Variants in STK38 observed in about 807,000 individuals in gnomAD.
The protein encoded by STK38 is serine/threonine kinase 38.
In STK38, 26 loss-of-function variants were observed where a neutral mutation model predicts 59.0. That is an observed-to-expected ratio of 0.44 (90% CI 0.32 to 0.61). The LOEUF is 0.61. Among genes scored for constraint, STK38 ranks in the 20% least tolerant of loss-of-function variants. The pLI is 0.04. For synonymous variants in STK38, 175 were observed against 176.6 expected, an observed-to-expected ratio of 0.99 and a Z score of 0.07; for missense variants, 433 against 566.0, an observed-to-expected ratio of 0.76 and a Z score of 2.38.
At chr6:36,496,463 T>C (rs974185641) in intron 13 of STK38, among the ~76,000 whole-genome samples, 1 of 152,190 alleles carries the variant, frequency 6.6e-6, no homozygotes, top group Non-Finnish European at 1.5e-5. Flanking sequence ...ACTTAGTAAA[T>C]AACAAAAGAA....
At chr6:36,508,620 T>C (rs1470946662) in intron 7 of STK38, among the ~76,000 whole-genome samples, 4 of 152,226 alleles carry the variant, frequency 2.6e-5, no homozygotes, top group Non-Finnish European at 5.9e-5. Flanking sequence ...CTGTGGTCAT[T>C]GATGCCTTTA....
Position 36,495,684 on chromosome 6 carries a change from G to T in STK38, c.*100C>A. Reference sequence around the variant, plus strand: ...GGAGACTTTACTATGACATATTGGTGGGTTCCATCAACTTCTTGGAAGCTC... The same window carrying T: ...GGAGACTTTACTATGACATATTGGTTGGTTCCATCAACTTCTTGGAAGCTC... On this transcript the variant is annotated 3_prime_UTR_variant, in exon 14 of 14. Transcript: ENST00000229812. 1 of 1,486,450 alleles carries T rather than the reference G, an allele frequency of 6.7e-7. No individual in the cohort carries two copies. Among genetic ancestry groups the T allele is most frequent in the Non-Finnish European group, 9.2e-7 (1 of 1,088,720 alleles). 92.1% of individuals were successfully genotyped at this position (1,486,450 alleles called of 1,614,324 possible). A position where few individuals can be genotyped will look rare whatever the true frequency, so the allele number is the denominator to read the frequency against.
At chr6:36,516,099 G>C (rs1432328130) in intron 6 of STK38, among the ~76,000 whole-genome samples, 2 of 152,226 alleles carry the variant, frequency 1.3e-5, no homozygotes, top group African/African-American at 4.8e-5. Flanking sequence ...CCTCCTGGAA[G>C]AGTACAATGA....
At chr6:36,497,427 A>G (rs970216722) in intron 12 of STK38, among the ~76,000 whole-genome samples, 6 of 152,000 alleles carry the variant, frequency 3.9e-5, no homozygotes, top group African/African-American at 1.5e-4. Context: ...TCCCTTCTCT[A>G]TGTTCCAGTG....
At chr6:36,513,912 T>C (rs1402593105) in intron 7 of STK38, among the ~76,000 whole-genome samples, 3 of 147,822 alleles carry the variant, frequency 2.0e-5, no homozygotes, top group Non-Finnish European at 4.5e-5. Context: ...TCCCAGCACT[T>C]TGGGAGGCCA....
chr6:36,516,104 C>T (rs533013653), intron 6 of STK38, among the ~76,000 whole-genome samples: 13 of 152,292 alleles, frequency 8.5e-5, no homozygotes, highest in Non-Finnish European at 1.8e-4. Context: ...TGGAAGAGTA[C>T]AATGAACACC....
intron 7 of STK38, among the ~76,000 whole-genome samples, chr6:36,514,087 A>G (rs940242163): frequency 1.0e-4 from 15 of 149,822 alleles, no homozygotes; most frequent in Admixed American, 8.1e-4. Flanking sequence ...CCCGGGAGGC[A>G]GAGCTTGCAG....
chr6:36,523,098 T>G (rs1417515711), intron 4 of STK38, among the ~76,000 whole-genome samples: 1 of 152,054 alleles, frequency 6.6e-6, no homozygotes, highest in Non-Finnish European at 1.5e-5. Context: ...ATGTTTTTCC[T>G]AATTGAGTAC....
chr6:36,536,558 A>T (rs562338438), intron 2 of STK38, among the ~76,000 whole-genome samples: 1 of 152,118 alleles, frequency 6.6e-6, no homozygotes, highest in African/African-American at 2.4e-5. Context: ...TTTGAGACTG[A>T]GTTTCGCTCT....
At chr6:36,539,951 T>A (rs958499703) in intron 2 of STK38, 121 bp downstream of exon 2, 1 of 1,475,644 alleles carries the variant, frequency 6.8e-7, no homozygotes, top group African/African-American at 1.4e-5. Context: ...TGTCATTCCA[T>A]TATGATAGTC....
chr6:36,505,701 C>T (rs1276846558), intron 9 of STK38, among the ~76,000 whole-genome samples: 1 of 152,190 alleles, frequency 6.6e-6, no homozygotes, highest in African/African-American at 2.4e-5. Context: ...ATTTGCATGA[C>T]CATCATTCCA....
At chr6:36,502,725 C>T (rs991158387) in intron 9 of STK38, among the ~76,000 whole-genome samples, 3 of 152,194 alleles carry the variant, frequency 2.0e-5, no homozygotes, top group Non-Finnish European at 4.4e-5. Flanking sequence ...ACATGTACTC[C>T]TCCTCGTCTC....
chr6:36,494,124 T>G lies in STK38; in HGVS notation c.*1660A>C, dbSNP rs1776644501. 6.6e-6 allele frequency: 1 copy of G among 152,268 alleles called. No homozygotes were observed. The highest frequency in any genetic ancestry group is 1.5e-5 in the Non-Finnish European group (1 of 68,048). 9.4% of individuals were successfully genotyped at this position (152,268 alleles called of 1,614,324 possible). On this transcript the variant is annotated 3_prime_UTR_variant, in exon 14 of 14. Coordinates refer to ENST00000229812, the MANE Select transcript of STK38 (RefSeq NM_007271.4). ...CAAAAGAATCTCATTTACTTCCTTT[T>G]CACTAGCAGGCTATGAATGAAAGAC...
chr6:36,532,319 A>G (rs1228875904), intron 2 of STK38, among the ~76,000 whole-genome samples: 1 of 151,996 alleles, frequency 6.6e-6, no homozygotes, highest in East Asian at 1.9e-4. Context: ...TAAAAAAAAA[A>G]AAAAAAAAAG....
chr6:36,504,923 GAAAGAAAGA>G (rs1356227047), intron 9 of STK38, among the ~76,000 whole-genome samples: 229 of 98,346 alleles, frequency 2.3e-3, no homozygotes, highest in African/African-American at 8.3e-3. Flanking sequence ...AAAAAAAAAA[GAAAGAAAGA>G]AAAGAAAGGA....
intron 2 of STK38, among the ~76,000 whole-genome samples, chr6:36,527,207 A>AAATATATATATATATATATAT (rs60162863): frequency 8.4e-6 from 1 of 119,356 alleles, no homozygotes; most frequent in African/African-American, 3.5e-5. Context: ...AAAAAAAAAA[A>AAATATATATATATATATATAT]ATATATGTAT....
intron 4 of STK38, among the ~76,000 whole-genome samples, chr6:36,523,577 A>C (rs1162346547): frequency 6.6e-6 from 1 of 152,070 alleles, no homozygotes; most frequent in East Asian, 1.9e-4. Context: ...ACCAGGTTTT[A>C]ATAATATACT....
intron 2 of STK38, among the ~76,000 whole-genome samples, chr6:36,533,040 TGTG>T (rs1777704565): frequency 2.1e-5 from 3 of 144,060 alleles, no homozygotes; most frequent in Middle Eastern, 3.9e-3. Flanking sequence ...CCCTCCAGCC[TGTG>T]CAACAGAGTG....
intron 1 of STK38, among the ~76,000 whole-genome samples, chr6:36,544,189 C>CA: frequency 6.6e-6 from 1 of 152,038 alleles, no homozygotes; most frequent in South Asian, 2.1e-4. Context: ...CATCATGTGC[C>CA]AAAAAGATCA....
Sources: gnomAD v4.1 joint callset for allele counts (sites outside exome capture counted in the v4.1 genomes callset) on GRCh38, gnomAD v4.1.1 for gene constraint, MANE v1.5 for transcripts, NCBI Gene and HGNC (gene_info 2026-07-23, HGNC 2026-07-21) for gene names.